ATP9B: variants seen among roughly 807,000 people sequenced by gnomAD.
ATP9B encodes the protein probable phospholipid-transporting ATPase IIB.
ATP9B carries 110 observed loss-of-function variants against 146.1 expected under a neutral mutation model. The observed-to-expected ratio is 0.75, with a 90% CI of 0.65 to 0.88. ATP9B has a LOEUF of 0.88. ATP9B is among the 40% of genes least tolerant of loss of function. The probability of loss-of-function intolerance (pLI) is 0.00; values close to 1 mark genes in which losing one functional copy is unlikely to be tolerated. For synonymous variants in ATP9B, 604 were observed against 569.7 expected (o/e 1.06, Z -0.86); for missense variants, 1,499 against 1,496.4 (o/e 1.00, Z -0.03).
chr18:79,280,606 C>T (rs1305240730), intron 13 of ATP9B, among the ~76,000 whole-genome samples: 3 of 152,032 alleles, frequency 2.0e-5, no homozygotes, highest in Non-Finnish European at 4.4e-5. Flanking sequence ...GCAGGCAGTT[C>T]AGAAGATTTG....
intron 15 of ATP9B, among the ~76,000 whole-genome samples, chr18:79,319,689 C>A (rs571840162): frequency 6.6e-6 from 1 of 152,136 alleles, no homozygotes; most frequent in South Asian, 2.1e-4. Flanking sequence ...ATATCTGTAC[C>A]GTATATCCAT....
intron 26 of ATP9B, chr18:79,360,834 A>G (rs994911723): frequency 2.0e-5 from 3 of 152,234 alleles, no homozygotes; most frequent in Non-Finnish European, 4.4e-5. Context: ...GGTCACACCT[A>G]CTATAACTAG....
chr18:79,131,244 AAAAG>A (rs1299130276), intron 5 of ATP9B, among the ~76,000 whole-genome samples: 2 of 152,254 alleles, frequency 1.3e-5, no homozygotes, highest in African/African-American at 4.8e-5. Flanking sequence ...CAAAAATGTA[AAAAG>A]AAAGAATGAG....
intron 8 of ATP9B, among the ~76,000 whole-genome samples, chr18:79,179,313 C>G (rs966855388): frequency 3.9e-5 from 6 of 151,926 alleles, no homozygotes; most frequent in Non-Finnish European, 7.4e-5. Context: ...TTCCTTCATT[C>G]TACATAGTTT....
intron 15 of ATP9B, among the ~76,000 whole-genome samples, chr18:79,319,933 G>A (rs1043106612): frequency 6.6e-6 from 1 of 152,100 alleles, no homozygotes; most frequent in African/African-American, 2.4e-5. Context: ...GCAAATAAAT[G>A]GTTGAGAGGC....
intron 6 of ATP9B, chr18:79,146,416 G>T: frequency 7.9e-6 from 1 of 126,654 alleles, no homozygotes; most frequent in Non-Finnish European, 1.6e-5. Flanking sequence ...GCTGCATGTC[G>T]GGGGAGCTGG....
intron 11 of ATP9B, among the ~76,000 whole-genome samples, chr18:79,223,823 GAAA>G (rs972231787): frequency 1.1e-4 from 17 of 152,114 alleles, no homozygotes; most frequent in African/African-American, 4.1e-4. Flanking sequence ...GCTAAGTGTT[GAAA>G]AAACAATCCT....
At chr18:79,216,560 T>C (rs2095628832) in intron 11 of ATP9B, among the ~76,000 whole-genome samples, 1 of 152,210 alleles carries the variant, frequency 6.6e-6, no homozygotes, top group Non-Finnish European at 1.5e-5. Flanking sequence ...TTTTCAGCCC[T>C]ACCCTGATTG....
At chr18:79,165,711 C>T (rs1403812457) in intron 7 of ATP9B, among the ~76,000 whole-genome samples, 1 of 152,098 alleles carries the variant, frequency 6.6e-6, no homozygotes, top group African/African-American at 2.4e-5. Context: ...TACTCTAAGC[C>T]CATGCAGCCA....
chr18:79,211,691 A>C (rs1012861382), intron 10 of ATP9B, among the ~76,000 whole-genome samples: 1 of 152,186 alleles, frequency 6.6e-6, no homozygotes, highest in Non-Finnish European at 1.5e-5. Context: ...CTTGGGATAA[A>C]TGAAGTTAAA....
In ATP9B at chr18:79,113,356, TA is replaced by T; in HGVS notation, c.558+4del. 1 of 1,483,250 alleles carries T rather than the reference TA, an allele frequency of 6.7e-7. No homozygotes were observed. The highest frequency in any genetic ancestry group is 1.2e-5 in the South Asian group (1 of 82,166). The allele number at this position is 1,483,250 out of a possible 1,614,324, so 91.9% of individuals were successfully genotyped here. On this transcript the variant is annotated splice_donor_region_variant and intron_variant, in intron 4 of 29. Transcript: ENST00000426216. ...CTCTACACCTACTGGGCTCCTCTGGTAAGAAAAGACTTTAAAAATTAAGTTA... is the reference window on the plus strand; with the variant it reads ...CTCTACACCTACTGGGCTCCTCTGGTAGAAAAGACTTTAAAAATTAAGTTA...
At chr18:79,319,657 T>C (rs1453400603) in intron 15 of ATP9B, among the ~76,000 whole-genome samples, 1 of 152,198 alleles carries the variant, frequency 6.6e-6, no homozygotes, top group African/African-American at 2.4e-5. Context: ...CACAAAAAGA[T>C]TTAAGGAAAC....
At chr18:79,348,248 G>GAAAAAAAA (rs56654324) in intron 25 of ATP9B, 52 bp downstream of exon 25, 20 of 827,694 alleles carry the variant, frequency 2.4e-5, no homozygotes, top group African/African-American at 8.3e-5. Context: ...CTTCTATTTT[G>GAAAAAAAA]AAAAAAAAAA....
chr18:79,308,621 G>A (rs1483126770), intron 15 of ATP9B, among the ~76,000 whole-genome samples: 2 of 152,216 alleles, frequency 1.3e-5, no homozygotes, highest in East Asian at 1.9e-4. Context: ...AGAGAGCAGA[G>A]CAGCAGGTAC....
At chr18:79,348,298 A>G (rs2096903281) in intron 25 of ATP9B, 102 bp downstream of exon 25, 2 of 1,130,574 alleles carry the variant, frequency 1.8e-6, no homozygotes, top group Admixed American at 4.2e-5. Flanking sequence ...GATTCTTGAT[A>G]CAGTCATCAT....
chr18:79,159,197 C>T (rs2094840402), intron 7 of ATP9B, among the ~76,000 whole-genome samples: 1 of 152,118 alleles, frequency 6.6e-6, no homozygotes, highest in African/African-American at 2.4e-5. Flanking sequence ...TTCATTCATT[C>T]TGTCAATCTG....
At position 79,136,562 on chromosome 18, in the gene ATP9B, A is replaced by G. The variant is rs140180422; in HGVS notation, c.668-7240A>G. On this transcript the variant is annotated intron_variant, in intron 5 of 29. Transcript: ENST00000426216. Reference sequence around the variant, plus strand: ...ATTTTTTCTTCCCTCTCCAGTGTCAAGGTTTCCAGTTATACCTGTATTAGA... The same window carrying G: ...ATTTTTTCTTCCCTCTCCAGTGTCAGGGTTTCCAGTTATACCTGTATTAGA... 4.8e-3 allele frequency among the ~76,000 whole-genome samples: 738 copies of G among 152,278 alleles called. 4 individuals are homozygous for G. Among genetic ancestry groups the G allele is most frequent in the South Asian group, 0.025 (119 of 4,828 alleles).
intron 25 of ATP9B, among the ~76,000 whole-genome samples, chr18:79,355,211 G>A (rs898511308): frequency 6.6e-6 from 1 of 152,192 alleles, no homozygotes; most frequent in African/African-American, 2.4e-5. Flanking sequence ...GTCTTTACCC[G>A]GAATGTCAGG....
intron 9 of ATP9B, among the ~76,000 whole-genome samples, chr18:79,199,223 T>A (rs2095443183): frequency 6.6e-6 from 1 of 152,008 alleles, no homozygotes; most frequent in South Asian, 2.1e-4. Flanking sequence ...AGTGCTGGGA[T>A]TACAGGCATG....
Sources: allele counts gnomAD v4.1 joint callset (sites outside exome capture counted in the v4.1 genomes callset), GRCh38; gene constraint gnomAD v4.1.1; transcripts MANE v1.5; gene names NCBI Gene and HGNC (gene_info 2026-07-23, HGNC 2026-07-21).